The following MYRFL variants were observed in gnomAD, a reference collection of about 807,000 sequenced individuals.
The protein encoded by MYRFL is myelin regulatory factor like.
In MYRFL, 88 loss-of-function variants were observed where a neutral mutation model predicts 109.4. The ratio of observed to expected loss-of-function variants is 0.80; its 90% CI spans 0.68 to 0.96. The LOEUF (loss-of-function observed/expected upper bound fraction) is 0.96. MYRFL is among the 40% of genes least tolerant of loss of function. The pLI is 0.00. For missense variants in MYRFL, 957 were observed against 954.9 expected (o/e 1.00, Z -0.03); for synonymous variants, 324 against 320.9 (o/e 1.01, Z -0.10).
chr12:69,923,533 T>C (rs2120434714), intron 13 of MYRFL, among the ~76,000 whole-genome samples: 1 of 152,316 alleles, frequency 6.6e-6, no homozygotes, highest in South Asian at 2.1e-4. Flanking sequence ...ATCTCTTTTC[T>C]TAAATGCTAA....
At chr12:69,942,644 C>T (rs1403209883) in intron 19 of MYRFL, among the ~76,000 whole-genome samples, 1 of 151,260 alleles carries the variant, frequency 6.6e-6, no homozygotes, top group South Asian at 2.1e-4. Flanking sequence ...GATGCCCTCT[C>T]TCACCAGTCC....
intron 15 of MYRFL, among the ~76,000 whole-genome samples, chr12:69,932,147 A>G (rs528141567): frequency 6.8e-6 from 1 of 148,036 alleles, no homozygotes; most frequent in Admixed American, 6.7e-5. Flanking sequence ...TTTCAAAAGT[A>G]TCCTACTCAA....
intron 19 of MYRFL, among the ~76,000 whole-genome samples, chr12:69,946,092 T>G (rs1027123858): frequency 1.3e-5 from 2 of 151,032 alleles, no homozygotes; most frequent in Admixed American, 1.3e-4. Context: ...TGTATACTAA[T>G]TTATTATTGT....
chr12:69,878,242 C>CAAAAAAAAAAAAAAA (rs60069243), intron 2 of MYRFL, among the ~76,000 whole-genome samples: 11 of 112,714 alleles, frequency 9.8e-5, no homozygotes, highest in East Asian at 2.8e-4. Flanking sequence ...GACTCCATCT[C>CAAAAAAAAAAAAAAA]AAAAAAAAAA....
intron 13 of MYRFL, among the ~76,000 whole-genome samples, chr12:69,922,526 C>G (rs1296578111): frequency 6.6e-6 from 1 of 151,888 alleles, no homozygotes; most frequent in Non-Finnish European, 1.5e-5. Context: ...TCAAATTCCC[C>G]AGTTATTCAT....
chr12:69,839,753 A>G (rs1022123986), intron 1 of MYRFL, among the ~76,000 whole-genome samples: 2 of 152,226 alleles, frequency 1.3e-5, no homozygotes, highest in African/African-American at 4.8e-5. Flanking sequence ...ATAAGAGTTC[A>G]CTAAACTTAC....
Position 69,958,728 on chromosome 12 carries a change from A to AATGTG in MYRFL, c.*202_*206dup. 1 of 523,996 alleles carries AATGTG rather than the reference A, an allele frequency of 1.9e-6. No individual in the cohort carries two copies. Among genetic ancestry groups the AATGTG allele is most frequent in the Admixed American group, 3.8e-5 (1 of 26,662 alleles). The allele number at this position is 523,996 out of a possible 1,614,324, so 32.5% of individuals were successfully genotyped here. On this transcript the variant is annotated 3_prime_UTR_variant, in exon 25 of 25. Coordinates refer to ENST00000552032, the MANE Select transcript of MYRFL (RefSeq NM_182530.3). ...TAAAATGTTTGCTGAAACTTGAAAT[A>AATGTG]ATGTGATGTTTGATTTTGCCATGAC...
rs7970982 is a variant in MYRFL, at chr12:69,879,391, C to T, written c.402C>T (p.Ser134=). The part of the protein sequence containing the change: ...ASHLATPLDQ[S]VSSHLGIGCS... The stretch of plus-strand genomic sequence containing the variant: ...ATCTTGCCACCCCCCTGGACCAATC[C>T]GTGTCCTCCCATCTGGGGATAGGTT... Residue 134 remains serine (S), a synonymous_variant, in exon 4 of 25, where the codon TCC becomes TCT. Coordinates refer to ENST00000552032, the MANE Select transcript of MYRFL (RefSeq NM_182530.3). 0.044 allele frequency: 30,931 copies of T among 702,914 alleles called. 824 individuals are homozygous for T. Among genetic ancestry groups the T allele is most frequent in the Non-Finnish European group, 0.051 (19,438 of 384,844 alleles). The allele number at this position is 702,914 out of a possible 1,614,324, so 43.5% of individuals were successfully genotyped here. A position where few individuals can be genotyped will look rare whatever the true frequency, so the allele number is the denominator to read the frequency against.
chr12:69,921,659 T>C (rs564187408), intron 13 of MYRFL, among the ~76,000 whole-genome samples: 5 of 152,330 alleles, frequency 3.3e-5, no homozygotes, highest in Admixed American at 2.6e-4. Flanking sequence ...ATAATTATAA[T>C]CAGGAAAGTG....
In MYRFL at chr12:69,870,848, C is replaced by T. The variant is rs144355412; in HGVS notation, c.138-8180C>T. ...ACCAACACATATTCCTGTCACTCAA[C>T]GCAGGGACTTTTGGTTCTCGTTAAG... On this transcript the variant is annotated intron_variant, in intron 2 of 24. Coordinates refer to ENST00000552032, the MANE Select transcript of MYRFL (RefSeq NM_182530.3). 2.6e-3 allele frequency among the ~76,000 whole-genome samples: 395 copies of T among 152,304 alleles called. 5 individuals are homozygous for T. The highest frequency in any genetic ancestry group is 8.8e-3 in the African/African-American group (364 of 41,552).
chr12:69,889,573 G>A (rs954551674), intron 6 of MYRFL, among the ~76,000 whole-genome samples: 5 of 152,058 alleles, frequency 3.3e-5, no homozygotes, highest in Admixed American at 6.5e-5. Flanking sequence ...ATTTTGGATC[G>A]GCTGGGCGCA....
chr12:69,871,422 C>T (rs917491814), intron 2 of MYRFL, among the ~76,000 whole-genome samples: 6 of 151,812 alleles, frequency 4.0e-5, no homozygotes, highest in Non-Finnish European at 7.4e-5. Context: ...TTAGTAGAGA[C>T]AGGATTTCAC....
intron 13 of MYRFL, among the ~76,000 whole-genome samples, chr12:69,911,504 T>C (rs1346590366): frequency 6.6e-6 from 1 of 152,238 alleles, no homozygotes; most frequent in African/African-American, 2.4e-5. Flanking sequence ...ATCATTTTTT[T>C]CCCAAGGGCC....
chr12:69,952,345 G>A (rs183740290), intron 20 of MYRFL, among the ~76,000 whole-genome samples, 170 bp downstream of exon 20: 4 of 152,278 alleles, frequency 2.6e-5, no homozygotes, highest in African/African-American at 7.2e-5. Flanking sequence ...CCACTAATGA[G>A]GCATTAGAAA....
intron 2 of MYRFL, among the ~76,000 whole-genome samples, chr12:69,858,251 T>C (rs2136323459): frequency 6.6e-6 from 1 of 152,094 alleles, no homozygotes; most frequent in Middle Eastern, 3.4e-3. Context: ...GGATTCAATT[T>C]GGTAAAATTT....
chr12:69,931,683 C>G (rs764026218), intron 15 of MYRFL, among the ~76,000 whole-genome samples: 10 of 152,126 alleles, frequency 6.6e-5, no homozygotes, highest in Non-Finnish European at 1.0e-4. Context: ...ATATAATACT[C>G]CTTATTGCAT....
chr12:69,909,803 C>T (rs545138662), intron 11 of MYRFL, among the ~76,000 whole-genome samples, 166 bp from the exon 12 acceptor site: 1 of 152,268 alleles, frequency 6.6e-6, no homozygotes, highest in Admixed American at 6.5e-5. Flanking sequence ...TGGCTGGGTC[C>T]TGAAGGGCCA....
intron 1 of MYRFL, among the ~76,000 whole-genome samples, chr12:69,837,163 C>T (rs961829951): frequency 3.9e-5 from 6 of 152,288 alleles, no homozygotes; most frequent in South Asian, 2.1e-4. Flanking sequence ...CACACCACTC[C>T]GCCTACCCAG....
chr12:69,950,821 AT>A (rs1191950516), intron 19 of MYRFL, among the ~76,000 whole-genome samples: 1 of 152,226 alleles, frequency 6.6e-6, no homozygotes, highest in Admixed American at 6.5e-5. Flanking sequence ...ACTAAGATGG[AT>A]AAAAAAGAAT....
Sources: gnomAD v4.1 joint callset for allele counts (sites outside exome capture counted in the v4.1 genomes callset) on GRCh38, gnomAD v4.1.1 for gene constraint, MANE v1.5 for transcripts, NCBI Gene and HGNC (gene_info 2026-07-23, HGNC 2026-07-21) for gene names.